The following MRPL37 variants were observed in gnomAD, a reference collection of about 807,000 sequenced individuals.
The protein encoded by MRPL37 is mitochondrial ribosomal protein L37, also known as large ribosomal subunit protein mL37.
MRPL37 carries 34 observed loss-of-function variants against 44.1 expected under a neutral mutation model. The ratio of observed to expected loss-of-function variants is 0.77; its 90% CI spans 0.59 to 1.03. The LOEUF (loss-of-function observed/expected upper bound fraction) is 1.03. Among genes scored for constraint, MRPL37 ranks in the 50% least tolerant of loss-of-function variants. The pLI, the probability that MRPL37 is intolerant of heterozygous loss-of-function variation, is 0.00. For synonymous variants in MRPL37, 212 were observed against 219.5 expected (o/e 0.97, Z 0.30); for missense variants, 532 against 543.7 (o/e 0.98, Z 0.21).
At chr1:54,210,553 G>A (rs1047097433) in intron 4 of MRPL37, among the ~76,000 whole-genome samples, 7 of 152,056 alleles carry the variant, frequency 4.6e-5, no homozygotes, top group Admixed American at 1.3e-4. Flanking sequence ...AGGAACTGAG[G>A]AAGCCCCATA....
intron 5 of MRPL37, 63 bp from the exon 6 acceptor site, chr1:54,216,078 G>T: frequency 6.4e-7 from 1 of 1,554,808 alleles, no homozygotes; most frequent in Non-Finnish European, 8.9e-7. Context: ...AGCTGCCTGG[G>T]CCGTGCTGTT....
intron 6 of MRPL37, among the ~76,000 whole-genome samples, chr1:54,217,500 C>T (rs1300854339): frequency 3.3e-5 from 5 of 152,184 alleles, no homozygotes; most frequent in African/African-American, 7.2e-5. Context: ...CATCTCCTGC[C>T]GCTCCACCCC....
chr1:54,212,683 A>C (rs1419879982), intron 5 of MRPL37, 25 bp downstream of exon 5: 4 of 1,613,882 alleles, frequency 2.5e-6, no homozygotes, highest in Non-Finnish European at 2.5e-6. Flanking sequence ...AAGACCACTG[A>C]GTTGCTTTAC....
chr1:54,204,924 A>G (rs1644109711), intron 1 of MRPL37, 94 bp from the exon 2 acceptor site: 1 of 1,412,078 alleles, frequency 7.1e-7, no homozygotes, highest in Non-Finnish European at 9.5e-7. Context: ...CACTTGAGGC[A>G]GCCTTTTTAC....
At position 54,205,418 on chromosome 1, in the gene MRPL37, A is replaced by G. The variant is rs765026774; in HGVS notation, c.646+8A>G. 1.2e-6 allele frequency: 2 copies of G among 1,606,892 alleles called. No individual in the cohort carries two copies. Among genetic ancestry groups the G allele is most frequent in the South Asian group, 1.1e-5 (1 of 90,822 alleles). Reference sequence around the variant, plus strand: ...CTGCTACCTGGAACCGAGGTTGGTCATCTTGTACACCAGAAAGCCTTGGTC... The same window carrying G: ...CTGCTACCTGGAACCGAGGTTGGTCGTCTTGTACACCAGAAAGCCTTGGTC... On this transcript the variant is annotated splice_region_variant and intron_variant, in intron 3 of 6. Coordinates refer to ENST00000360840, the MANE Select transcript of MRPL37 (RefSeq NM_016491.4).
intron 5 of MRPL37, 88 bp downstream of exon 5, chr1:54,212,746 T>C (rs1225581499): frequency 1.8e-5 from 27 of 1,542,066 alleles, no homozygotes; most frequent in Non-Finnish European, 2.3e-5. Flanking sequence ...AAAAGGGATA[T>C]AGGGGAACTG....
chr1:54,200,534 G>C lies in MRPL37; in HGVS notation c.291G>C (p.Pro97=), dbSNP rs1213718861. 1.2e-6 allele frequency: 2 copies of C among 1,613,758 alleles called. No homozygotes were observed. Among genetic ancestry groups the C allele is most frequent in the Non-Finnish European group, 1.7e-6 (2 of 1,179,810 alleles). The change falls in exon 1 of 7, where the codon CCG becomes CCC. Residue 97 remains proline, a synonymous_variant. Coordinates refer to ENST00000360840, the MANE Select transcript of MRPL37 (RefSeq NM_016491.4). Reference sequence around the variant, plus strand: ...GCTCGCCCCCTCTTCACGAGCATCCGCTGTACAAAGACCAGGCCTGCTATA... The same window carrying C: ...GCTCGCCCCCTCTTCACGAGCATCCCCTGTACAAAGACCAGGCCTGCTATA... ...FYRSPPLHEH[P]LYKDQACYIF... is the part of the protein sequence containing the mutation.
Position 54,216,247 on chromosome 1 carries a change from G to C in MRPL37, c.1097G>C (p.Cys366Ser), listed in dbSNP as rs13571. The change falls in exon 6 of 7, where the codon TGT (cysteine) becomes TCT (serine). Residue 366 changes from cysteine to serine, a missense_variant. By Grantham distance (112) the Cys-to-Ser change is moderately radical. Transcript: ENST00000360840. ...VFQLNTTDLDCNEGVKNLAWV... is the reference protein window; with the variant it reads ...VFQLNTTDLDSNEGVKNLAWV... ...CAACTGAATACCACAGACCTGGACT[G>C]TAACGAGGGTGTCAAGAATTTGGCC... 0.73 allele frequency: 1,182,478 copies of C among 1,613,990 alleles called. 440,003 individuals carry two copies. The highest frequency in any genetic ancestry group is 0.79 in the Middle Eastern group (4,782 of 6,058).
At chr1:54,209,875 G>A in intron 3 of MRPL37, 71 bp from the exon 4 acceptor site, 2 of 1,497,310 alleles carry the variant, frequency 1.3e-6, no homozygotes, top group South Asian at 2.5e-5. Context: ...GGGATTATAG[G>A]CATGAGCTAC....
downstream of MRPL37, chr1:54,220,637 A>G: frequency 2.1e-6 from 1 of 471,766 alleles, no homozygotes; most frequent in South Asian, 1.5e-5. Flanking sequence ...CCAAATCCCA[A>G]ATGTCTACCA....
chr1:54,204,436 G>A (rs1051259760), intron 1 of MRPL37, among the ~76,000 whole-genome samples: 5 of 151,520 alleles, frequency 3.3e-5, no homozygotes, highest in African/African-American at 1.2e-4. Context: ...TCCAGGAAAA[G>A]CCCAACCTTT....
intron 1 of MRPL37, among the ~76,000 whole-genome samples, chr1:54,204,440 A>G (rs1160201968): frequency 6.6e-6 from 1 of 152,074 alleles, no homozygotes; most frequent in Non-Finnish European, 1.5e-5. Flanking sequence ...GGAAAAGCCC[A>G]ACCTTTCTAT....
intron 1 of MRPL37, among the ~76,000 whole-genome samples, chr1:54,200,979 G>T (rs1300060585): frequency 6.6e-6 from 1 of 152,156 alleles, no homozygotes; most frequent in Non-Finnish European, 1.5e-5. Context: ...TTTAAAAGTA[G>T]TTGGAGAGAG....
At chr1:54,221,159 C>T (rs1434040668), downstream of MRPL37, among the ~76,000 whole-genome samples, 1 of 152,032 alleles carries the variant, frequency 6.6e-6, no homozygotes, top group Non-Finnish European at 1.5e-5. Context: ...TCTTAGAAGC[C>T]AGGTGGAAAG....
downstream of MRPL37, among the ~76,000 whole-genome samples, chr1:54,221,946 C>T (rs1380875478): frequency 2.6e-5 from 4 of 152,308 alleles, no homozygotes; most frequent in East Asian, 1.9e-4. Context: ...TGGGTGGACA[C>T]GGCCAGAGTG....
At chr1:54,217,189 G>A (rs1474402681) in intron 6 of MRPL37, among the ~76,000 whole-genome samples, 1 of 152,184 alleles carries the variant, frequency 6.6e-6, no homozygotes, top group Admixed American at 6.5e-5. Context: ...TTGCTAAATG[G>A]AGTCGCTGAG....
chr1:54,204,579 T>C (rs189524367), intron 1 of MRPL37, among the ~76,000 whole-genome samples: 48 of 152,288 alleles, frequency 3.2e-4, no homozygotes, highest in Admixed American at 2.6e-3. Context: ...CACCTAATAA[T>C]AATGAGGTAT....
chr1:54,202,403 C>T (rs1488307145), intron 1 of MRPL37, among the ~76,000 whole-genome samples: 1 of 152,294 alleles, frequency 6.6e-6, no homozygotes, highest in Middle Eastern at 3.4e-3. Context: ...TCATTTGTTA[C>T]CACAAGAGAA....
chr1:54,212,378 A>G (rs1644171010), intron 4 of MRPL37, 123 bp from the exon 5 acceptor site: 1 of 1,194,880 alleles, frequency 8.4e-7, no homozygotes, highest in East Asian at 2.4e-5. Flanking sequence ...TAGTGATAGT[A>G]TCCACCTTTG....
Sources: allele counts gnomAD v4.1 joint callset (sites outside exome capture counted in the v4.1 genomes callset), GRCh38; gene constraint gnomAD v4.1.1; transcripts MANE v1.5; gene names NCBI Gene and HGNC (gene_info 2026-07-23, HGNC 2026-07-21).